Variants in MAMDC2 observed in about 807,000 individuals in gnomAD.
MAMDC2 encodes the protein MAM domain-containing protein 2.
In MAMDC2, 57 loss-of-function variants were observed where a neutral mutation model predicts 89.8. The ratio of observed to expected loss-of-function variants is 0.63; its 90% CI spans 0.51 to 0.79. The LOEUF (loss-of-function observed/expected upper bound fraction) is 0.79, where lower values mean the gene tolerates loss of function less well. Among genes scored for constraint, MAMDC2 ranks in the 30% least tolerant of loss-of-function variants. The probability of loss-of-function intolerance (pLI) is 0.00; values close to 1 mark genes in which losing one functional copy is unlikely to be tolerated. For synonymous variants in MAMDC2, 313 were observed against 293.4 expected (o/e 1.07, Z -0.68); for missense variants, 800 against 820.6 (o/e 0.97, Z 0.31).
intron 7 of MAMDC2, among the ~76,000 whole-genome samples, chr9:70,137,137 G>T (rs916237315): frequency 1.3e-5 from 2 of 151,892 alleles, no homozygotes; most frequent in Non-Finnish European, 2.9e-5. Context: ...GTAATGTGTT[G>T]TTAATCAGTT....
intron 6 of MAMDC2, among the ~76,000 whole-genome samples, chr9:70,128,870 T>C (rs1171835205): frequency 1.3e-5 from 2 of 152,164 alleles, no homozygotes; most frequent in Non-Finnish European, 2.9e-5. Context: ...TTGCCCAGGC[T>C]GGTCTCAAAC....
chr9:70,099,700 C>T (rs1223388091), intron 2 of MAMDC2, among the ~76,000 whole-genome samples: 1 of 152,058 alleles, frequency 6.6e-6, no homozygotes, highest in Admixed American at 6.6e-5. Flanking sequence ...GCAGGCCAGG[C>T]GCGGTGGTTC....
At chr9:70,193,097 A>G (rs2032915159) in intron 11 of MAMDC2, among the ~76,000 whole-genome samples, 1 of 152,150 alleles carries the variant, frequency 6.6e-6, no homozygotes, top group South Asian at 2.1e-4. Context: ...AGATAGGCCT[A>G]GGAGAAGGTT....
At chr9:70,105,610 C>A (rs1828319598) in intron 2 of MAMDC2, among the ~76,000 whole-genome samples, 1 of 152,102 alleles carries the variant, frequency 6.6e-6, no homozygotes, top group South Asian at 2.1e-4. Flanking sequence ...TTTAAAATAA[C>A]CCACATTTAT....
intron 5 of MAMDC2, among the ~76,000 whole-genome samples, chr9:70,121,812 C>G (rs2030299777): frequency 1.3e-5 from 2 of 151,866 alleles, no homozygotes; most frequent in African/African-American, 4.8e-5. Flanking sequence ...CAGGAAGATT[C>G]TCCTAATATC....
intron 3 of MAMDC2, 34 bp downstream of exon 3, chr9:70,108,516 A>G (rs1828407531): frequency 2.0e-6 from 3 of 1,523,812 alleles, no homozygotes; most frequent in Non-Finnish European, 2.6e-6. Flanking sequence ...TATAAGGCCT[A>G]TTATCTTTGC....
intron 11 of MAMDC2, among the ~76,000 whole-genome samples, chr9:70,193,364 C>T (rs1367440354): frequency 5.3e-5 from 8 of 151,942 alleles, no homozygotes; most frequent in East Asian, 3.9e-4. Flanking sequence ...GGAGGTAGAT[C>T]GGATCTTCTA....
chr9:70,188,301 G>A (rs1052428930), intron 11 of MAMDC2, among the ~76,000 whole-genome samples: 6 of 152,000 alleles, frequency 3.9e-5, no homozygotes, highest in Admixed American at 2.0e-4. Flanking sequence ...TAACAATTAC[G>A]ATTTACAATT....
intron 11 of MAMDC2, among the ~76,000 whole-genome samples, chr9:70,178,179 T>A (rs1440345180): frequency 1.3e-5 from 2 of 152,196 alleles, no homozygotes; most frequent in African/African-American, 4.8e-5. Flanking sequence ...TGTGCTGCTA[T>A]AACAGAATGG....
chr9:70,100,852 T>C (rs988547902), intron 2 of MAMDC2, among the ~76,000 whole-genome samples: 12 of 152,220 alleles, frequency 7.9e-5, no homozygotes, highest in African/African-American at 2.7e-4. Context: ...CTCTGATCCA[T>C]ATTGGAAAAA....
chr9:70,068,360 G>A (rs1460268051), intron 2 of MAMDC2, among the ~76,000 whole-genome samples: 2 of 152,036 alleles, frequency 1.3e-5, no homozygotes, highest in Admixed American at 6.6e-5. Flanking sequence ...GTGGGGGTAG[G>A]GAGCACTGGG....
chr9:70,112,020 G>A (rs894560322), intron 4 of MAMDC2, among the ~76,000 whole-genome samples: 3 of 152,176 alleles, frequency 2.0e-5, no homozygotes, highest in African/African-American at 7.2e-5. Context: ...GTAAACCCCT[G>A]ATTTCATTCT....
intron 9 of MAMDC2, chr9:70,153,315 C>T (rs781444203): frequency 6.6e-6 from 1 of 152,036 alleles, no homozygotes; most frequent in African/African-American, 2.4e-5. Context: ...CAATTCAGTC[C>T]AAAACACTTT....
rs569868513 is a variant in MAMDC2, at chr9:70,174,686, G to A, written c.1651+4055G>A. On this transcript the variant is annotated intron_variant, in intron 11 of 13. Coordinates refer to ENST00000377182, the MANE Select transcript of MAMDC2 (RefSeq NM_153267.5). ...GACCCAGAGAAATAATGGTAGGCCA[G>A]CTCATGGAGGACCTTGTAATTAATT... is the stretch of plus-strand genomic sequence containing the variant. Among the ~76,000 whole-genome samples, 5 of 151,802 alleles carry A rather than the reference G, an allele frequency of 3.3e-5. No individual in the cohort carries two copies. In the South Asian group the frequency reaches 6.3e-4, roughly 19 times the overall value.
intron 11 of MAMDC2, chr9:70,170,983 G>A (rs575880697): frequency 1.4e-3 from 301 of 217,510 alleles, no homozygotes; most frequent in African/African-American, 6.5e-3. Flanking sequence ...TATATTGGCA[G>A]ACAAAGGAAG....
At chr9:70,092,575 A>G (rs1193839349) in intron 2 of MAMDC2, 3 of 152,100 alleles carry the variant, frequency 2.0e-5, no homozygotes, top group Non-Finnish European at 2.9e-5. Context: ...GGGTTTCCAA[A>G]CCATCCCTGA....
intron 11 of MAMDC2, chr9:70,172,641 T>G (rs185847660): frequency 7.3e-4 from 112 of 152,842 alleles, no homozygotes; most frequent in African/African-American, 2.5e-3. Context: ...ACCTTGCTAG[T>G]GAGTGTCCAT....
Position 70,176,536 on chromosome 9 carries a change from A to C in MAMDC2, c.1651+5905A>C, listed in dbSNP as rs967207844. On this transcript the variant is annotated intron_variant, in intron 11 of 13. Coordinates refer to ENST00000377182, the MANE Select transcript of MAMDC2 (RefSeq NM_153267.5). Reference sequence around the variant, plus strand: ...ATTTTGAGTGAATATTTGACATATTAAATAAAACTCTCTGGTGCACAACAC... The same window carrying C: ...ATTTTGAGTGAATATTTGACATATTCAATAAAACTCTCTGGTGCACAACAC... 3.3e-5 allele frequency among the ~76,000 whole-genome samples: 5 copies of C among 152,352 alleles called. No individual in the cohort carries two copies. In the South Asian group the frequency reaches 1.0e-3, roughly 32 times the overall value.
At chr9:70,210,960 C>A (rs371145596) in intron 11 of MAMDC2, among the ~76,000 whole-genome samples, 2 of 152,174 alleles carry the variant, frequency 1.3e-5, no homozygotes, top group Non-Finnish European at 2.9e-5. Flanking sequence ...TATTGGCCCC[C>A]ACTCTCTTCT....
Sources: gnomAD v4.1 joint callset for allele counts (sites outside exome capture counted in the v4.1 genomes callset) on GRCh38, gnomAD v4.1.1 for gene constraint, MANE v1.5 for transcripts, NCBI Gene and HGNC (gene_info 2026-07-23, HGNC 2026-07-21) for gene names.